SNX29: variants seen among roughly 807,000 people sequenced by gnomAD.
SNX29 encodes sorting nexin-29.
In SNX29, 78 loss-of-function variants were observed where a neutral mutation model predicts 102.1. That is an observed-to-expected ratio of 0.76 (90% CI 0.64 to 0.92). SNX29 has a LOEUF of 0.92. SNX29 is among the 40% of genes least tolerant of loss of function. The pLI, the probability that SNX29 is intolerant of heterozygous loss-of-function variation, is 0.00. For missense variants in SNX29, 1,280 were observed against 1,061.7 expected (o/e 1.21, Z -2.86); for synonymous variants, 580 against 414.5 (o/e 1.40, Z -4.85).
chr16:12,065,593 C>G (rs2050997406), intron 9 of SNX29, among the ~76,000 whole-genome samples: 1 of 152,200 alleles, frequency 6.6e-6, no homozygotes, highest in South Asian at 2.1e-4. Flanking sequence ...AGGTTGAGGA[C>G]AGACTGTGGT....
At chr16:12,372,281 C>T (rs138023640) in intron 16 of SNX29, among the ~76,000 whole-genome samples, 1 of 152,286 alleles carries the variant, frequency 6.6e-6, no homozygotes, top group African/African-American at 2.4e-5. Flanking sequence ...CCAAATCTTC[C>T]CCATCCTTCA....
At chr16:12,091,837 G>A (rs2052562056) in intron 11 of SNX29, among the ~76,000 whole-genome samples, 1 of 150,802 alleles carries the variant, frequency 6.6e-6, no homozygotes, top group Non-Finnish European at 1.5e-5. Context: ...ATGTAATGAT[G>A]ACACAGCAAG....
intron 15 of SNX29, among the ~76,000 whole-genome samples, chr16:12,322,247 A>G (rs978060163): frequency 2.6e-5 from 4 of 152,098 alleles, no homozygotes; most frequent in Admixed American, 6.5e-5. Context: ...GGCCTAACCT[A>G]CATCCTGTGT....
intron 20 of SNX29, among the ~76,000 whole-genome samples, chr16:12,566,801 A>T (rs994838913): frequency 6.6e-6 from 1 of 152,234 alleles, no homozygotes; most frequent in East Asian, 1.9e-4. Context: ...GGTTGGGCTC[A>T]GAGATGATTC....
At chr16:12,523,046 A>G (rs2090159345) in intron 19 of SNX29, among the ~76,000 whole-genome samples, 1 of 152,176 alleles carries the variant, frequency 6.6e-6, no homozygotes, top group African/African-American at 2.4e-5. Flanking sequence ...TCCTGGGCTC[A>G]AGCGATGCTC....
intron 19 of SNX29, among the ~76,000 whole-genome samples, chr16:12,487,786 C>T (rs1307280028): frequency 6.6e-6 from 1 of 152,218 alleles, no homozygotes; most frequent in East Asian, 1.9e-4. Flanking sequence ...CGAAAAGCAG[C>T]TCTGAGTGAA....
At chr16:12,523,040 G>A (rs1441283766) in intron 19 of SNX29, among the ~76,000 whole-genome samples, 1 of 152,140 alleles carries the variant, frequency 6.6e-6, no homozygotes, top group East Asian at 1.9e-4. Flanking sequence ...TCAAACTCCT[G>A]GGCTCAAGCG....
chr16:12,073,366 G>GCA (rs2051389566), intron 10 of SNX29, among the ~76,000 whole-genome samples: 1 of 151,992 alleles, frequency 6.6e-6, no homozygotes, highest in Admixed American at 6.6e-5. Flanking sequence ...ATTCTGGTAT[G>GCA]TTGTGTCTTT....
At chr16:12,217,500 C>T (rs139413867) in intron 14 of SNX29, among the ~76,000 whole-genome samples, 1,941 of 152,294 alleles carry the variant, frequency 0.013, 23 homozygotes, top group Non-Finnish European at 0.02. Context: ...GTGTCTAACA[C>T]CTGTAGACAG....
At chr16:12,160,850 T>C (rs1004076258) in intron 13 of SNX29, among the ~76,000 whole-genome samples, 1 of 152,234 alleles carries the variant, frequency 6.6e-6, no homozygotes, top group East Asian at 1.9e-4. Context: ...GATGGCATTA[T>C]AGCATCAATG....
At chr16:12,385,529 C>T (rs923670840) in intron 16 of SNX29, among the ~76,000 whole-genome samples, 3 of 152,182 alleles carry the variant, frequency 2.0e-5, no homozygotes, top group African/African-American at 7.2e-5. Flanking sequence ...ACTCAGGGCC[C>T]TCACCCGGAC....
Position 12,570,082 on chromosome 16 carries a change from A to T in SNX29, c.*1453A>T. 1.3e-6 allele frequency: 1 copy of T among 765,726 alleles called. No homozygotes were observed. The highest frequency in any genetic ancestry group is 1.6e-6 in the Non-Finnish European group (1 of 606,234). The allele number at this position is 765,726 out of a possible 1,614,324, so 47.4% of individuals were successfully genotyped here. A position where few individuals can be genotyped will look rare whatever the true frequency, so the allele number is the denominator to read the frequency against. ...CTGGAGAATCATCTGGAAGGTTTAT[A>T]CTGTGCCTTCCCCTCGTAGCAAAAA... On this transcript the variant is annotated 3_prime_UTR_variant, in exon 21 of 21. Transcript: ENST00000566228.
In SNX29 at chr16:12,559,213, C is replaced by T. The variant is rs1445379739; in HGVS notation, c.2319-9293C>T. Among the ~76,000 whole-genome samples the T allele has an allele frequency of 7.9e-5, 12 of 152,194 alleles. No individual in the cohort carries two copies. In the South Asian group the frequency reaches 2.5e-3, roughly 32 times the overall value. On this transcript the variant is annotated intron_variant, in intron 20 of 20. Coordinates refer to ENST00000566228, the MANE Select transcript of SNX29 (RefSeq NM_032167.5). ...ACACAGTGGGTGAGCAGCGCTTCGT[C>T]TGTATTTACAGCCACTCCCCATCAC...
intron 14 of SNX29, among the ~76,000 whole-genome samples, chr16:12,265,211 C>T (rs1158627375): frequency 6.6e-6 from 1 of 152,198 alleles, no homozygotes; most frequent in Admixed American, 6.5e-5. Context: ...TCTGGCACAG[C>T]TGTCCGCATG....
intron 10 of SNX29, among the ~76,000 whole-genome samples, chr16:12,076,047 C>G (rs868704754): frequency 2.6e-5 from 4 of 152,150 alleles, no homozygotes; most frequent in African/African-American, 9.7e-5. Context: ...GGGAGTGGCC[C>G]GATATTCCAG....
At chr16:12,536,043 T>C (rs572367874) in intron 20 of SNX29, among the ~76,000 whole-genome samples, 11 of 152,264 alleles carry the variant, frequency 7.2e-5, no homozygotes, top group African/African-American at 2.6e-4. Flanking sequence ...TGATTGCCCA[T>C]GAGCTGAGCC....
At chr16:12,353,898 G>T (rs1032560493) in intron 15 of SNX29, among the ~76,000 whole-genome samples, 3 of 152,206 alleles carry the variant, frequency 2.0e-5, no homozygotes, top group African/African-American at 4.8e-5. Context: ...TGCCTGCTTG[G>T]AGGAGAATGG....
intron 20 of SNX29, chr16:12,557,403 C>T (rs1416825025): frequency 6.6e-6 from 1 of 152,174 alleles, no homozygotes; most frequent in Non-Finnish European, 1.5e-5. Context: ...CCACCTTTGG[C>T]TTTTGAGACT....
rs146902882 is a variant in SNX29, at chr16:12,069,767, C to T, written c.1319+635C>T. 5.5e-3 allele frequency among the ~76,000 whole-genome samples: 839 copies of T among 152,226 alleles called. 2 individuals are homozygous for T. Among genetic ancestry groups the T allele is most frequent in the South Asian group, 9.4e-3 (45 of 4,808 alleles). ...GTGCGGTGGCGCAATCTCGGCTCAC[C>T]GCAAGCTCTGCCTGCTGTGTTCACG... On this transcript the variant is annotated intron_variant, in intron 10 of 20. Transcript: ENST00000566228.
Sources: allele counts gnomAD v4.1 joint callset (sites outside exome capture counted in the v4.1 genomes callset), GRCh38; gene constraint gnomAD v4.1.1; transcripts MANE v1.5; gene names NCBI Gene and HGNC (gene_info 2026-07-23, HGNC 2026-07-21).